XKR6: variants seen among roughly 807,000 people sequenced by gnomAD.
XKR6 encodes the protein XK-related protein 6.
In XKR6, 22 loss-of-function variants were observed where a neutral mutation model predicts 56.7. That is an observed-to-expected ratio of 0.39 (90% CI 0.28 to 0.55). XKR6 has a LOEUF of 0.55. Ranked by LOEUF, XKR6 falls within the 20% of genes least tolerant of loss-of-function variation. The pLI, the probability that XKR6 is intolerant of heterozygous loss-of-function variation, is 0.66. For synonymous variants in XKR6, 524 were observed against 387.8 expected, an observed-to-expected ratio of 1.35 and a Z score of -4.13; for missense variants, 852 against 889.0, an observed-to-expected ratio of 0.96 and a Z score of 0.53.
chr8:11,159,816 T>C (rs959974385), intron 1 of XKR6, among the ~76,000 whole-genome samples: 14 of 152,194 alleles, frequency 9.2e-5, no homozygotes, highest in African/African-American at 3.4e-4. Context: ...TTGCTTACTC[T>C]TAAAAATGAA....
rs574210520 is a variant in XKR6, at chr8:11,076,994, AGTG to A, written c.764+123579_764+123581del. On this transcript the variant is annotated intron_variant, in intron 1 of 2. Transcript: ENST00000416569. ...TGTTTGAGACAAGCCTAGGAAGCACAGTGAGACCCCATCTCTACAAAAAAATTA... is the reference window on the plus strand; with the variant it reads ...TGTTTGAGACAAGCCTAGGAAGCACAAGACCCCATCTCTACAAAAAAATTA... Among the ~76,000 whole-genome samples the A allele has an allele frequency of 1.4e-4, 21 of 152,266 alleles. No homozygotes were observed. The South Asian group carries it at 3.5e-3, about 26-fold the overall frequency.
intron 1 of XKR6, among the ~76,000 whole-genome samples, chr8:10,986,083 T>C (rs1797857813): frequency 6.6e-6 from 1 of 152,232 alleles, no homozygotes; most frequent in South Asian, 2.1e-4. Context: ...GCATAAAAGA[T>C]GTAGACAGAT....
chr8:11,031,420 G>A (rs530340339), intron 1 of XKR6, among the ~76,000 whole-genome samples: 40 of 152,308 alleles, frequency 2.6e-4, no homozygotes, highest in Admixed American at 4.6e-4. Flanking sequence ...AGGCAGGTCC[G>A]AGTAAGGCAC....
At chr8:11,142,229 A>T (rs1800740444) in intron 1 of XKR6, among the ~76,000 whole-genome samples, 1 of 152,176 alleles carries the variant, frequency 6.6e-6, no homozygotes, top group African/African-American at 2.4e-5. Context: ...ATCATTTCCA[A>T]TTAAATAAAA....
At chr8:10,943,467 C>T (rs1265098109) in intron 1 of XKR6, among the ~76,000 whole-genome samples, 1 of 152,178 alleles carries the variant, frequency 6.6e-6, no homozygotes, top group African/African-American at 2.4e-5. Flanking sequence ...GCTCTCCATC[C>T]CCAGACCTTC....
chr8:11,131,204 T>G (rs1032206002), intron 1 of XKR6, among the ~76,000 whole-genome samples: 1 of 152,182 alleles, frequency 6.6e-6, no homozygotes, highest in African/African-American at 2.4e-5. Context: ...TCATTTTCCA[T>G]AGCTTTATAG....
chr8:10,955,795 T>C (rs1038511957), intron 1 of XKR6, among the ~76,000 whole-genome samples: 3 of 152,198 alleles, frequency 2.0e-5, no homozygotes, highest in African/African-American at 7.2e-5. Flanking sequence ...TGAGGCTCAC[T>C]GTAACAGAGG....
intron 1 of XKR6, among the ~76,000 whole-genome samples, chr8:11,017,141 T>A (rs1167486441): frequency 2.0e-5 from 3 of 152,150 alleles, no homozygotes; most frequent in South Asian, 2.1e-4. Context: ...AAGGCATAGA[T>A]GATAGATACA....
At chr8:11,054,179 G>A (rs558647612) in intron 1 of XKR6, among the ~76,000 whole-genome samples, 1 of 152,304 alleles carries the variant, frequency 6.6e-6, no homozygotes, top group South Asian at 2.1e-4. Context: ...AGGTTTGAGA[G>A]AATTGCATGC....
At chr8:10,942,290 CAG>C (rs1417456340) in intron 1 of XKR6, among the ~76,000 whole-genome samples, 3 of 152,216 alleles carry the variant, frequency 2.0e-5, no homozygotes, top group Admixed American at 6.5e-5. Context: ...TTGTGTCTGA[CAG>C]AGCACACACG....
intron 1 of XKR6, among the ~76,000 whole-genome samples, chr8:11,172,782 G>A (rs1437803638): frequency 6.6e-6 from 1 of 152,010 alleles, no homozygotes; most frequent in Non-Finnish European, 1.5e-5. Flanking sequence ...TACTCAGCAG[G>A]AGCAAAGGCC....
At chr8:10,948,981 G>T (rs1012446509) in intron 1 of XKR6, among the ~76,000 whole-genome samples, 1 of 152,176 alleles carries the variant, frequency 6.6e-6, no homozygotes. Flanking sequence ...GCAGCCTCTC[G>T]GGAGGCTCCT....
At chr8:11,159,313 G>C (rs1047823102) in intron 1 of XKR6, among the ~76,000 whole-genome samples, 2 of 152,168 alleles carry the variant, frequency 1.3e-5, no homozygotes, top group Admixed American at 6.5e-5. Flanking sequence ...TATAATTTAA[G>C]TAAGTCATTC....
intron 1 of XKR6, among the ~76,000 whole-genome samples, chr8:11,035,635 G>T (rs906222004): frequency 1.3e-5 from 2 of 152,286 alleles, no homozygotes; most frequent in African/African-American, 4.8e-5. Context: ...ATCCTGTTTT[G>T]CATGAATAAG....
At chr8:11,050,825 A>C in intron 1 of XKR6, among the ~76,000 whole-genome samples, 1 of 150,992 alleles carries the variant, frequency 6.6e-6, no homozygotes, top group Non-Finnish European at 1.5e-5. Flanking sequence ...ATTCCTCAAC[A>C]CCTATCCCCC....
intron 1 of XKR6, among the ~76,000 whole-genome samples, chr8:10,954,742 C>A (rs1192229791): frequency 6.6e-6 from 1 of 151,808 alleles, no homozygotes; most frequent in Non-Finnish European, 1.5e-5. Context: ...AATCCAAAGT[C>A]ATGAAGGTTT....
chr8:11,121,323 A>G (rs1440403925), intron 1 of XKR6, among the ~76,000 whole-genome samples: 2 of 152,178 alleles, frequency 1.3e-5, no homozygotes, highest in African/African-American at 4.8e-5. Flanking sequence ...TCTACAACGA[A>G]CTCAAACAAA....
chr8:11,066,459 T>C (rs1799980908), intron 1 of XKR6, among the ~76,000 whole-genome samples: 1 of 152,254 alleles, frequency 6.6e-6, no homozygotes, highest in East Asian at 1.9e-4. Context: ...TAGTTGTGGT[T>C]CTGCCTCCTG....
intron 1 of XKR6, among the ~76,000 whole-genome samples, chr8:11,174,589 T>A (rs900479955): frequency 1.3e-5 from 2 of 152,198 alleles, no homozygotes; most frequent in Non-Finnish European, 2.9e-5. Context: ...AGAAGATTAT[T>A]ATAATTAGAC....
Sources: allele counts gnomAD v4.1 joint callset (sites outside exome capture counted in the v4.1 genomes callset), GRCh38; gene constraint gnomAD v4.1.1; transcripts MANE v1.5; gene names NCBI Gene and HGNC (gene_info 2026-07-23, HGNC 2026-07-21).